AIDA: variants seen among roughly 807,000 people sequenced by gnomAD.
AIDA encodes the protein axin interactor, dorsalization-associated protein.
AIDA carries 18 observed loss-of-function variants against 42.7 expected under a neutral mutation model. The ratio of observed to expected loss-of-function variants is 0.42; its 90% confidence interval spans 0.29 to 0.63. The LOEUF is 0.63. AIDA is among the 20% of genes least tolerant of loss of function. The pLI is 0.19. For missense variants in AIDA, 250 were observed against 354.1 expected (o/e 0.71, Z 2.36); for synonymous variants, 104 against 122.9 (o/e 0.85, Z 1.02).
intron 1 of AIDA, among the ~76,000 whole-genome samples, chr1:222,708,761 C>T (rs1655913342): frequency 1.3e-5 from 2 of 152,102 alleles, no homozygotes; most frequent in African/African-American, 4.8e-5. Flanking sequence ...GTTTCTGTGC[C>T]ACTCTACCAT....
intron 4 of AIDA, among the ~76,000 whole-genome samples, chr1:222,688,931 T>A (rs934644850): frequency 6.6e-6 from 1 of 152,126 alleles, no homozygotes; most frequent in South Asian, 2.1e-4. Flanking sequence ...ATTGTTATCA[T>A]AGGAGATGAC....
intron 1 of AIDA, among the ~76,000 whole-genome samples, chr1:222,703,619 T>C (rs1385390359): frequency 6.6e-6 from 1 of 152,192 alleles, no homozygotes; most frequent in Non-Finnish European, 1.5e-5. Context: ...TATCAGTCTG[T>C]CATTGATTTG....
intron 6 of AIDA, among the ~76,000 whole-genome samples, chr1:222,684,110 G>A (rs1324397017): frequency 6.6e-6 from 1 of 151,748 alleles, no homozygotes; most frequent in Admixed American, 6.6e-5. Flanking sequence ...TAAAAAGAAT[G>A]AATTTCTTTT....
chr1:222,690,780 T>C (rs1655349352), intron 4 of AIDA, among the ~76,000 whole-genome samples: 1 of 152,092 alleles, frequency 6.6e-6, no homozygotes, highest in Non-Finnish European at 1.5e-5. Flanking sequence ...TTCTTATGTA[T>C]GTAATCTATA....
intron 9 of AIDA, 34 bp from the exon 10 acceptor site, chr1:222,670,023 T>TA: frequency 3.1e-6 from 5 of 1,613,444 alleles, no homozygotes; most frequent in Non-Finnish European, 4.2e-6. Flanking sequence ...TTGTTTAAAA[T>TA]ACATTGATAA....
At position 222,689,843 on chromosome 1, in the gene AIDA, A is replaced by G. The variant is rs116636225; in HGVS notation, c.290-2185T>C. Among the ~76,000 whole-genome samples the G allele has an allele frequency of 8.8e-3, 1,341 of 151,558 alleles. 12 individuals carry two copies. Among genetic ancestry groups the G allele is most frequent in the Middle Eastern group, 0.017 (5 of 294 alleles). On this transcript the variant is annotated intron_variant, in intron 4 of 9. Transcript: ENST00000340020. ...GTACAATAATGTCCTAGGCCTTCATATCCACTTATCACTCACTCACTGACT... is the reference window on the plus strand; with the variant it reads ...GTACAATAATGTCCTAGGCCTTCATGTCCACTTATCACTCACTCACTGACT...
chr1:222,683,542 A>G (rs1043504498), intron 6 of AIDA, among the ~76,000 whole-genome samples: 10 of 152,242 alleles, frequency 6.6e-5, no homozygotes, highest in African/African-American at 2.4e-4. Context: ...TAAGAGATGA[A>G]GAACCAGTAC....
At chr1:222,672,973 G>A (rs1020558767) in intron 8 of AIDA, among the ~76,000 whole-genome samples, 1 of 152,142 alleles carries the variant, frequency 6.6e-6, no homozygotes, top group African/African-American at 2.4e-5. Flanking sequence ...AGAAAACCCT[G>A]GTTCTTAATT....
intron 4 of AIDA, among the ~76,000 whole-genome samples, chr1:222,692,035 A>G (rs1286826003): frequency 6.6e-6 from 1 of 152,206 alleles, no homozygotes; most frequent in Non-Finnish European, 1.5e-5. Context: ...GTTGGAAGGA[A>G]AAACAATCCT....
chr1:222,672,321 T>G (rs1450228314), intron 8 of AIDA, among the ~76,000 whole-genome samples: 1 of 152,124 alleles, frequency 6.6e-6, no homozygotes, highest in African/African-American at 2.4e-5. Context: ...GGCAATGGAG[T>G]TAAAGAAATG....
intron 4 of AIDA, 128 bp downstream of exon 4, chr1:222,693,661 A>G: frequency 1.4e-6 from 1 of 734,696 alleles, no homozygotes; most frequent in Non-Finnish European, 2.1e-6. Context: ...AAAAGCACCC[A>G]AAAAATCACA....
At chr1:222,670,341 G>C (rs751306905) in intron 8 of AIDA, 91 bp from the exon 9 acceptor site, 1 of 962,786 alleles carries the variant, frequency 1.0e-6, no homozygotes, top group Non-Finnish European at 1.6e-6. Context: ...CATATGAACA[G>C]CTACAGCTGG....
chr1:222,699,278 A>G (rs896068146), intron 2 of AIDA, among the ~76,000 whole-genome samples: 1 of 152,236 alleles, frequency 6.6e-6, no homozygotes, highest in Admixed American at 6.5e-5. Context: ...ATAAACAACA[A>G]TTTTGCTTAG....
At chr1:222,712,142 G>A (rs2124976445) in intron 1 of AIDA, 66 bp downstream of exon 1, 1 of 1,548,624 alleles carries the variant, frequency 6.5e-7, no homozygotes, top group Non-Finnish European at 8.7e-7. Flanking sequence ...GAGAGACACC[G>A]ACAGAAACAA....
chr1:222,707,875 C>T (rs2124971311), intron 1 of AIDA, among the ~76,000 whole-genome samples: 1 of 152,326 alleles, frequency 6.6e-6, no homozygotes. Context: ...TCAAAAATAT[C>T]ATGAGGATGT....
chr1:222,678,060 T>C (rs1664584954), intron 6 of AIDA, among the ~76,000 whole-genome samples: 1 of 152,160 alleles, frequency 6.6e-6, no homozygotes, highest in African/African-American at 2.4e-5. Context: ...TACCACTTTC[T>C]ATTCCCACCA....
At chr1:222,694,179 C>A in intron 3 of AIDA, 31 bp downstream of exon 3, 2 of 1,574,120 alleles carry the variant, frequency 1.3e-6, no homozygotes, top group Non-Finnish European at 1.7e-6. Context: ...AATTTATTTT[C>A]CTTGTATTAC....
At chr1:222,678,854 T>C (rs1664602686) in intron 6 of AIDA, among the ~76,000 whole-genome samples, 1 of 152,218 alleles carries the variant, frequency 6.6e-6, no homozygotes, top group East Asian at 1.9e-4. Context: ...TTACCTTTGC[T>C]AAACTCTGTC....
At chr1:222,670,825 G>A (rs1664433916) in intron 8 of AIDA, among the ~76,000 whole-genome samples, 1 of 152,134 alleles carries the variant, frequency 6.6e-6, no homozygotes, top group Admixed American at 6.5e-5. Flanking sequence ...TCCTGGAATT[G>A]CATGTTTGTG....
Sources: allele counts gnomAD v4.1 joint callset (sites outside exome capture counted in the v4.1 genomes callset), GRCh38; gene constraint gnomAD v4.1.1; transcripts MANE v1.5; gene names NCBI Gene and HGNC (gene_info 2026-07-23, HGNC 2026-07-21).